FAM186A: variants seen among roughly 807,000 people sequenced by gnomAD.
FAM186A encodes family with sequence similarity 186 member A, also known as protein FAM186A.
FAM186A carries 163 observed loss-of-function variants against 216.8 expected under a neutral mutation model. That is an observed-to-expected ratio of 0.75 (90% CI 0.66 to 0.86). FAM186A has a LOEUF of 0.86. Among genes scored for constraint, FAM186A ranks in the 40% least tolerant of loss-of-function variants. The pLI is 0.00. For synonymous variants in FAM186A, 805 were observed against 1,025.3 expected (o/e 0.79, Z 4.10); for missense variants, 2,184 against 2,746.2 (o/e 0.80, Z 4.58).
intron 1 of FAM186A, among the ~76,000 whole-genome samples, chr12:50,394,575 A>T (rs1301015596): frequency 1.3e-5 from 2 of 151,344 alleles, no homozygotes; most frequent in African/African-American, 4.9e-5. Flanking sequence ...CTATTTATCT[A>T]TCTATCTATC....
At chr12:50,333,812 G>C in intron 5 of FAM186A, 99 bp downstream of exon 5, 2 of 1,158,140 alleles carry the variant, frequency 1.7e-6, no homozygotes, top group Non-Finnish European at 1.2e-6. Context: ...GCCCAGGAAA[G>C]TAATATGACA....
intron 4 of FAM186A, among the ~76,000 whole-genome samples, chr12:50,343,019 G>A (rs892544629): frequency 6.6e-6 from 1 of 151,484 alleles, no homozygotes; most frequent in Non-Finnish European, 1.5e-5. Context: ...GGATGCCGAG[G>A]TGGTAGGATC....
At chr12:50,374,753 A>G (rs1029688280) in intron 1 of FAM186A, among the ~76,000 whole-genome samples, 12 of 152,244 alleles carry the variant, frequency 7.9e-5, no homozygotes, top group Admixed American at 2.6e-4. Context: ...ACTTCTGCTC[A>G]ACATTGGATA....
intron 3 of FAM186A, among the ~76,000 whole-genome samples, chr12:50,356,703 G>A (rs1016901761): frequency 5.3e-5 from 8 of 152,142 alleles, no homozygotes; most frequent in Non-Finnish European, 8.8e-5. Flanking sequence ...TAGATATAAT[G>A]TATCTAAGAC....
chr12:50,329,779 A>C (rs1942638977), intron 7 of FAM186A, among the ~76,000 whole-genome samples: 1 of 152,038 alleles, frequency 6.6e-6, no homozygotes, highest in South Asian at 2.1e-4. Flanking sequence ...TATTTTTAGT[A>C]GAGACAGGGT....
At chr12:50,331,610 A>G in intron 6 of FAM186A, 60 bp downstream of exon 6, 2 of 1,365,058 alleles carry the variant, frequency 1.5e-6, no homozygotes, top group East Asian at 2.7e-5. Flanking sequence ...TTGGGCAGGG[A>G]AAAAAAAATT....
chr12:50,372,102 G>A (rs1209815096), intron 1 of FAM186A, among the ~76,000 whole-genome samples: 20 of 151,992 alleles, frequency 1.3e-4, no homozygotes, highest in Admixed American at 1.3e-3. Flanking sequence ...GTGAGCCATC[G>A]TGGCTGGCCC....
chr12:50,359,419 A>G (rs1943010541), intron 3 of FAM186A, among the ~76,000 whole-genome samples: 2 of 152,278 alleles, frequency 1.3e-5, no homozygotes, highest in East Asian at 1.9e-4. Flanking sequence ...ACAGACAATA[A>G]CAAGTGTTGT....
intron 1 of FAM186A, among the ~76,000 whole-genome samples, chr12:50,371,125 A>ATT (rs140298462): frequency 1.2e-4 from 18 of 148,754 alleles, no homozygotes; most frequent in Non-Finnish European, 2.1e-4. Flanking sequence ...ATTCAATTTA[A>ATT]TTTTTTTTTT....
At position 50,346,618 on chromosome 12, in the gene FAM186A, C is replaced by A. The variant is rs575679651; in HGVS notation, c.6503+3711G>T. ...ATCCCAGCACTTTGGGAGGCCGAAG[C>A]GGGTGGATCACGAGGTCAGGAGATC... On this transcript the variant is annotated intron_variant, in intron 4 of 7. Coordinates refer to ENST00000327337, the MANE Select transcript of FAM186A (RefSeq NM_001145475.3). Among the ~76,000 whole-genome samples, 27 of 152,236 alleles carry A rather than the reference C, an allele frequency of 1.8e-4. No individual in the cohort carries two copies. The East Asian group carries it at 4.6e-3, about 26-fold the overall frequency.
intron 4 of FAM186A, among the ~76,000 whole-genome samples, chr12:50,345,254 G>A (rs190863258): frequency 1.9e-4 from 29 of 152,170 alleles, no homozygotes; most frequent in African/African-American, 6.0e-4. Flanking sequence ...CATTAACAGC[G>A]TATAAGCATT....
At chr12:50,389,332 C>T (rs1448745386) in intron 1 of FAM186A, among the ~76,000 whole-genome samples, 1 of 152,058 alleles carries the variant, frequency 6.6e-6, no homozygotes, top group Non-Finnish European at 1.5e-5. Flanking sequence ...GAAACCCCGT[C>T]TCTACTAAAA....
intron 1 of FAM186A, among the ~76,000 whole-genome samples, chr12:50,382,044 G>A (rs777069110): frequency 3.9e-5 from 6 of 152,070 alleles, no homozygotes; most frequent in Non-Finnish European, 5.9e-5. Context: ...TGGAAAGTTG[G>A]TGATTTGGGG....
intron 1 of FAM186A, among the ~76,000 whole-genome samples, chr12:50,395,396 G>A (rs1177157799): frequency 6.6e-6 from 1 of 152,080 alleles, no homozygotes; most frequent in Non-Finnish European, 1.5e-5. Context: ...GCCTGATTTT[G>A]TTGTACTGCG....
At chr12:50,334,765 A>T (rs1215748287) in intron 4 of FAM186A, among the ~76,000 whole-genome samples, 3 of 152,140 alleles carry the variant, frequency 2.0e-5, no homozygotes, top group Non-Finnish European at 2.9e-5. Flanking sequence ...GGAGTGAGCC[A>T]CTATGCCCAA....
intron 4 of FAM186A, among the ~76,000 whole-genome samples, chr12:50,340,677 TAA>T (rs550435667): frequency 3.5e-5 from 5 of 142,412 alleles, no homozygotes; most frequent in Admixed American, 7.1e-5. Context: ...CCTGTCTCTT[TAA>T]AAAAAAAAAA....
At position 50,352,222 on chromosome 12, in the gene FAM186A, T is replaced by C. The variant is rs1231981826; in HGVS notation, c.4610A>G (p.Gln1537Arg). The C allele has an allele frequency of 2.0e-6, 3 of 1,514,966 alleles. No homozygotes were observed. Among genetic ancestry groups the C allele is most frequent in the Admixed American group, 2.1e-5 (1 of 48,086 alleles). The allele number at this position is 1,514,966 out of a possible 1,614,324, so 93.8% of individuals were successfully genotyped here. ...LGIPLIPPQA[Q>R]ELGIPLTPQQ... ...AGGGGTGAGAGGGATCCCCAATTCC[T>C]GAGCCTGCGGAGGGATCAGAGGGAT... The change falls in exon 4 of 8, where the codon CAG becomes CGG. Residue 1537 changes from glutamine (Q) to arginine (R), a missense_variant. Physicochemically the swap from Gln to Arg is conservative, Grantham distance 43. This residue lies in a region of FAM186A where 19 missense variants were observed against 22.4 expected (regional missense o/e 0.85). Coordinates refer to ENST00000327337, the MANE Select transcript of FAM186A (RefSeq NM_001145475.3).
chr12:50,357,516 A>AAAAAAAAG (rs1555216836), intron 3 of FAM186A, among the ~76,000 whole-genome samples: 1 of 142,398 alleles, frequency 7.0e-6, no homozygotes, highest in Non-Finnish European at 1.5e-5. Flanking sequence ...AAAAAAAAAA[A>AAAAAAAAG]AAGACACACA....
chr12:50,355,606 G>A lies in FAM186A; in HGVS notation c.1226C>T (p.Ala409Val), dbSNP rs879202370. The change falls in exon 4 of 8, where the codon GCC becomes GTC. Residue 409 changes from alanine (A) to valine (V), a missense_variant. Transcript: ENST00000327337. ...TAAATCTGGAGTTCTTTCAGCTTGGGCTGTATATGAAATAGTGGAGTCCCA... is the reference window on the plus strand; with the variant it reads ...TAAATCTGGAGTTCTTTCAGCTTGGACTGTATATGAAATAGTGGAGTCCCA... ...IKWDSTISYT[A>V]QAERTPDLTE... 2.6e-6 allele frequency: 4 copies of A among 1,551,426 alleles called. No homozygotes were observed. The highest frequency in any genetic ancestry group is 2.7e-5 in the African/African-American group (2 of 73,018).
Sources: allele counts gnomAD v4.1 joint callset (sites outside exome capture counted in the v4.1 genomes callset), GRCh38; gene constraint gnomAD v4.1.1; regional missense constraint gnomAD v4.1.1; transcripts MANE v1.5; gene names NCBI Gene and HGNC (gene_info 2026-07-23, HGNC 2026-07-21).